The following DNMT3B variants were observed in gnomAD, a reference collection of about 807,000 sequenced individuals.
The protein encoded by DNMT3B is DNA methyltransferase 3 beta, also known as DNA (cytosine-5)-methyltransferase 3B.
A neutral mutation model predicts 120.2 loss-of-function variants in DNMT3B; 37 were observed. The ratio of observed to expected loss-of-function variants is 0.31; its 90% CI spans 0.24 to 0.40. The LOEUF is 0.40. Among genes scored for constraint, DNMT3B ranks in the 10% least tolerant of loss-of-function variants. DNMT3B has a pLI of 1.00. For synonymous variants in DNMT3B, 412 were observed against 442.8 expected (o/e 0.93, Z 0.87); for missense variants, 878 against 1,137.3 (o/e 0.77, Z 3.28).
At chr20:32,789,074 T>A (rs1172863523) in intron 7 of DNMT3B, 62 bp downstream of exon 7, 14 of 1,603,806 alleles carry the variant, frequency 8.7e-6, no homozygotes, top group Non-Finnish European at 1.2e-5. Flanking sequence ...TGCCTCCCTT[T>A]GAAGACAAAG....
At chr20:32,765,739 AT>A (rs1987305465) in intron 1 of DNMT3B, among the ~76,000 whole-genome samples, 1 of 102,314 alleles carries the variant, frequency 9.8e-6, no homozygotes, top group South Asian at 3.1e-4. Context: ...TTATTTATTT[AT>A]TTATTTTTTC....
At chr20:32,782,020 A>C (rs1978682670) in intron 3 of DNMT3B, among the ~76,000 whole-genome samples, 1 of 152,240 alleles carries the variant, frequency 6.6e-6, no homozygotes, top group African/African-American at 2.4e-5. Flanking sequence ...AAAAAGTGAA[A>C]GTTCTCAAAA....
rs754241012 is a variant in DNMT3B at position 32,780,387 on chromosome 20, C to T, written c.64C>T (p.Leu22Phe). The change falls in exon 2 of 23, where the codon CTC becomes TTC. Residue 22 changes from leucine (L) to phenylalanine (F), a missense_variant. Leu to Phe is a conservative substitution (Grantham distance 22, BLOSUM62 0). This residue lies in a region of DNMT3B where 287 missense variants were observed against 306.2 expected (regional missense o/e 0.94). Transcript: ENST00000328111. ...EDAGGREDSILVNGACSDQSS... is the reference protein window; with the variant it reads ...EDAGGREDSIFVNGACSDQSS... ...CGCCGGCGGGAGGGAAGACTCGATC[C>T]TCGTCAACGGGGCCTGCAGCGACCA... 1.2e-6 allele frequency: 2 copies of T among 1,613,936 alleles called. No individual in the cohort carries two copies. Among genetic ancestry groups the T allele is most frequent in the Non-Finnish European group, 1.7e-6 (2 of 1,180,000 alleles).
At chr20:32,777,545 T>TGTGG (rs1988128246) in intron 1 of DNMT3B, among the ~76,000 whole-genome samples, 1 of 152,156 alleles carries the variant, frequency 6.6e-6, no homozygotes, top group Non-Finnish European at 1.5e-5. Flanking sequence ...TGCTACCAGC[T>TGTGG]CCTGGCCACA....
At chr20:32,797,091 G>A (rs1159163679) in intron 13 of DNMT3B, 96 bp from the exon 14 acceptor site, 5 of 1,605,274 alleles carry the variant, frequency 3.1e-6, no homozygotes, top group Admixed American at 3.3e-5. Context: ...CCAGCAGTGT[G>A]TTCTGCAGCT....
chr20:32,786,576 G>T lies in DNMT3B; in HGVS notation c.381G>T (p.Arg127=). The change falls in exon 5 of 23, where the codon CGG becomes CGT. Residue 127 remains arginine (R), a synonymous_variant. Coordinates refer to ENST00000328111, the MANE Select transcript of DNMT3B (RefSeq NM_006892.4). ...CTTCCCCACGTTCCACCCGAGGCCG[G>T]CAGGGCCGCAACCATGTGGACGAGT... ...HRPSPRSTRG[R]QGRNHVDESP... is the part of the protein sequence containing the mutation. 1 of 1,613,944 alleles carries T rather than the reference G, an allele frequency of 6.2e-7. No individual in the cohort carries two copies. Among genetic ancestry groups the T allele is most frequent in the South Asian group, 1.1e-5 (1 of 91,090 alleles).
chr20:32,793,828 T>C (rs1231632255), intron 10 of DNMT3B, among the ~76,000 whole-genome samples: 1 of 152,202 alleles, frequency 6.6e-6, no homozygotes, highest in Non-Finnish European at 1.5e-5. Context: ...TTCCCCTTTA[T>C]TAATATTAAT....
Position 32,780,363 on chromosome 20 carries a change from G to C in DNMT3B, c.40G>C (p.Ala14Pro), listed in dbSNP as rs770859652. Residue 14 changes from alanine to proline, a missense_variant, in exon 2 of 23, where the codon GCC becomes CCC. This residue lies in a region of DNMT3B where 287 missense variants were observed against 306.2 expected (regional missense o/e 0.94). Transcript: ENST00000328111. Reference sequence around the variant, plus strand: ...CAGGCATCTCAATGGAGAGGAGGACGCCGGCGGGAGGGAAGACTCGATCCT... The same window carrying C: ...CAGGCATCTCAATGGAGAGGAGGACCCCGGCGGGAGGGAAGACTCGATCCT... ...DTRHLNGEED[A>P]GGREDSILVN... The C allele has an allele frequency of 3.5e-5, 56 of 1,613,884 alleles. No individual in the cohort carries two copies. Among genetic ancestry groups the C allele is most frequent in the Non-Finnish European group, 4.7e-5 (55 of 1,180,026 alleles).
intron 20 of DNMT3B, among the ~76,000 whole-genome samples, chr20:32,804,971 C>T (rs6058893): frequency 0.52 from 79,560 of 151,908 alleles, 22,699 homozygotes; most frequent in East Asian, 0.92. Context: ...CCAAGCTCCT[C>T]ACTTTAAAAT....
At chr20:32,778,374 A>G (rs1005861752) in intron 1 of DNMT3B, among the ~76,000 whole-genome samples, 3 of 151,886 alleles carry the variant, frequency 2.0e-5, no homozygotes, top group African/African-American at 7.3e-5. Context: ...CAAAAAAAAA[A>G]AAAATGAAAA....
intron 19 of DNMT3B, 107 bp downstream of exon 19, chr20:32,801,533 T>C (rs1391614718): frequency 8.8e-6 from 13 of 1,480,972 alleles, no homozygotes; most frequent in Admixed American, 1.8e-5. Flanking sequence ...ACTTTCCCGT[T>C]CTTGGTCTGG....
At chr20:32,776,360 G>A (rs6119954) in intron 1 of DNMT3B, among the ~76,000 whole-genome samples, 32,094 of 151,984 alleles carry the variant, frequency 0.21, 3,657 homozygotes, top group East Asian at 0.32. Flanking sequence ...CAGCATGTCT[G>A]CCACTCTGGA....
chr20:32,785,041 C>CTTT (rs11389019), intron 4 of DNMT3B, among the ~76,000 whole-genome samples, 182 bp downstream of exon 4: 5 of 148,380 alleles, frequency 3.4e-5, no homozygotes, highest in African/African-American at 7.4e-5. Context: ...TTTCTTTTTT[C>CTTT]TTTTTTTTTT....
chr20:32,801,058 C>T, intron 18 of DNMT3B, 133 bp downstream of exon 18: 1 of 1,254,746 alleles, frequency 8.0e-7, no homozygotes. Flanking sequence ...GTTGGTGCTG[C>T]CTACGCTCCA....
chr20:32,771,201 C>T (rs537378048), intron 1 of DNMT3B, among the ~76,000 whole-genome samples: 1 of 152,260 alleles, frequency 6.6e-6, no homozygotes, highest in East Asian at 1.9e-4. Flanking sequence ...AATGCTGTGC[C>T]TTTATCTGTT....
chr20:32,762,587 G>A lies in DNMT3B; in HGVS notation c.-119G>A. ...CCAAGTAAACCTAGCTCGGCGATCG[G>A]CGCCGGAGATTCGCGAGCCCAGCGC... On this transcript the variant is annotated 5_prime_UTR_variant, in exon 1 of 23. Coordinates refer to ENST00000328111, the MANE Select transcript of DNMT3B (RefSeq NM_006892.4). 2.9e-6 allele frequency: 1 copy of A among 339,126 alleles called. No homozygotes were observed. The highest frequency in any genetic ancestry group is 1.4e-4 in the East Asian group (1 of 7,100). The allele number at this position is 339,126 out of a possible 1,614,324, so 21.0% of individuals were successfully genotyped here.
intron 5 of DNMT3B, among the ~76,000 whole-genome samples, chr20:32,787,006 A>G (rs894734906): frequency 2.0e-5 from 3 of 152,288 alleles, no homozygotes; most frequent in Admixed American, 2.0e-4. Context: ...GTCATTACCC[A>G]TCATTTGTGC....
At chr20:32,782,045 CAT>C (rs2145916630) in intron 3 of DNMT3B, among the ~76,000 whole-genome samples, 1 of 152,334 alleles carries the variant, frequency 6.6e-6, no homozygotes, top group Admixed American at 6.5e-5. Context: ...AAGAAGAAAT[CAT>C]ATGCTGAAGT....
At chr20:32,765,298 T>G (rs1987245404) in intron 1 of DNMT3B, among the ~76,000 whole-genome samples, 1 of 152,118 alleles carries the variant, frequency 6.6e-6, no homozygotes, top group Non-Finnish European at 1.5e-5. Flanking sequence ...TGAGCAGATA[T>G]GTCTCCCCTT....
Sources: allele counts gnomAD v4.1 joint callset (sites outside exome capture counted in the v4.1 genomes callset), GRCh38; gene constraint gnomAD v4.1.1; regional missense constraint gnomAD v4.1.1; transcripts MANE v1.5; gene names NCBI Gene and HGNC (gene_info 2026-07-23, HGNC 2026-07-21).